Variants in HNRNPH1 observed in about 807,000 individuals in gnomAD.
HNRNPH1 encodes heterogeneous nuclear ribonucleoprotein H.
In HNRNPH1, 4 loss-of-function variants were observed where a neutral mutation model predicts 58.6. The observed-to-expected ratio is 0.07, with a 90% CI of 0.03 to 0.16. The LOEUF (loss-of-function observed/expected upper bound fraction) is 0.16. HNRNPH1 is among the 10% of genes least tolerant of loss of function. HNRNPH1 has a pLI of 1.00. For missense variants in HNRNPH1, 271 were observed against 564.2 expected, an observed-to-expected ratio of 0.48 and a Z score of 5.26; for synonymous variants, 192 against 189.2, an observed-to-expected ratio of 1.01 and a Z score of -0.12.
At chr5:179,621,849 G>A (rs1236469851) in intron 1 of HNRNPH1, 1 of 437,644 alleles carries the variant, frequency 2.3e-6, no homozygotes, top group Non-Finnish European at 4.5e-6. Context: ...TCACCTGAAA[G>A]GGGATCAGTG....
At chr5:179,633,348 T>G (rs892631415) in intron 2 of HNRNPH1, among the ~76,000 whole-genome samples, 2 of 151,168 alleles carry the variant, frequency 1.3e-5, no homozygotes, top group Non-Finnish European at 2.9e-5. Flanking sequence ...CAGGCTGGAG[T>G]GCAGTGGCAC....
chr5:179,618,425 A>C (rs1428253338), intron 4 of HNRNPH1, 102 bp from the exon 6 acceptor site: 3 of 755,528 alleles, frequency 4.0e-6, no homozygotes, highest in Non-Finnish European at 6.2e-6. Flanking sequence ...AGTCATAGCC[A>C]TGAAACTGAC....
intron 7 of HNRNPH1, 39 bp from the exon 9 acceptor site, chr5:179,617,688 C>G (rs1206089465): frequency 6.2e-7 from 1 of 1,606,590 alleles, no homozygotes; most frequent in Non-Finnish European, 8.5e-7. Context: ...AACCAACTTT[C>G]TAACGTTACA....
chr5:179,632,594 C>T (rs1774934719), intron 2 of HNRNPH1, among the ~76,000 whole-genome samples: 1 of 152,196 alleles, frequency 6.6e-6, no homozygotes, highest in Non-Finnish European at 1.5e-5. Flanking sequence ...GAAGGGTCTG[C>T]CCGACGGCCA....
intron 2 of HNRNPH1, among the ~76,000 whole-genome samples, chr5:179,632,560 C>G (rs901331506): frequency 4.6e-5 from 7 of 152,146 alleles, no homozygotes; most frequent in African/African-American, 1.7e-4. Context: ...GGCGTCCCCA[C>G]AGTGTCCAGC....
chr5:179,615,277 A>G lies in HNRNPH1; in HGVS notation c.*269T>C, dbSNP rs773856056. 2.9e-5 allele frequency: 13 copies of G among 446,420 alleles called. No individual in the cohort carries two copies. The East Asian group carries it at 3.4e-4, about 12-fold the overall frequency. The allele number at this position is 446,420 out of a possible 1,614,324, so 27.7% of individuals were successfully genotyped here. On this transcript the variant is annotated intron_variant, in intron 12 of 12. Coordinates refer to ENST00000356731, the Ensembl canonical transcript of HNRNPH1. ...TTACTTCGTATTTTTAAAGCTAAACAAGGCATTTTTAAAAAAAATTTAACA... is the reference window on the plus strand; with the variant it reads ...TTACTTCGTATTTTTAAAGCTAAACGAGGCATTTTTAAAAAAAATTTAACA...
chr5:179,621,773 T>C, intron 1 of HNRNPH1: 1 of 368,994 alleles, frequency 2.7e-6, no homozygotes, highest in South Asian at 2.1e-5. Flanking sequence ...GGGGCATTTA[T>C]CCGTTTTACC....
intron 2 of HNRNPH1, among the ~76,000 whole-genome samples, chr5:179,631,986 T>C (rs1774863019): frequency 6.6e-6 from 1 of 151,980 alleles, no homozygotes; most frequent in South Asian, 2.1e-4. Flanking sequence ...GCTCGGGTGG[T>C]ACACTGCAAG....
At chr5:179,627,713 A>C (rs1002365618), upstream of HNRNPH1, among the ~76,000 whole-genome samples, 2 of 151,950 alleles carry the variant, frequency 1.3e-5, no homozygotes, top group Non-Finnish European at 2.9e-5. Flanking sequence ...ACTTGATGTC[A>C]GGAGTTTCAG....
chr5:179,619,471 A>T lies in HNRNPH1; in HGVS notation c.398-64T>A. Reference sequence around the variant, plus strand: ...TATTAACATCACAAGCCCAGAAATGATTCTTCTTATAGCTTTAAATAAACC... The same window carrying T: ...TATTAACATCACAAGCCCAGAAATGTTTCTTCTTATAGCTTTAAATAAACC... On this transcript the variant is annotated intron_variant, in intron 3 of 12. Transcript: ENST00000356731. The T allele has an allele frequency of 2.7e-6, 4 of 1,475,106 alleles. No homozygotes were observed. The South Asian group carries it at 4.9e-5, about 18-fold the overall frequency. The allele number at this position is 1,475,106 out of a possible 1,614,324, so 91.4% of individuals were successfully genotyped here. A position where few individuals can be genotyped will look rare whatever the true frequency, so the allele number is the denominator to read the frequency against.
upstream of HNRNPH1, among the ~76,000 whole-genome samples, chr5:179,627,077 G>A (rs115238115): frequency 1.5e-3 from 232 of 152,214 alleles, no homozygotes; most frequent in African/African-American, 5.3e-3. Flanking sequence ...CACTGCGCCC[G>A]GCTAATGTCT....
exon 1 of HNRNPH1, chr5:179,623,426 T>G (rs1017911938): frequency 2.8e-5 from 7 of 252,172 alleles, no homozygotes; most frequent in Admixed American, 5.3e-5. Flanking sequence ...CCGCTCCGCC[T>G]CCTCCGACTT....
intron 3 of HNRNPH1, among the ~76,000 whole-genome samples, chr5:179,620,294 T>TA (rs1205726897): frequency 1.3e-5 from 2 of 152,236 alleles, no homozygotes; most frequent in Non-Finnish European, 2.9e-5. Context: ...CTCTTCAGCA[T>TA]AAAAACATTC....
At chr5:179,623,114 C>G in exon 1 of HNRNPH1, 1 of 1,607,790 alleles carries the variant, frequency 6.2e-7, no homozygotes, top group Non-Finnish European at 8.5e-7. Context: ...TCCCTCTCCA[C>G]CTTCCGTGCC....
Position 179,615,652 on chromosome 5 carries a change from C to T in HNRNPH1, c.1301-57G>A, listed in dbSNP as rs1769162620. On this transcript the variant is annotated intron_variant, in intron 11 of 12. Coordinates refer to ENST00000356731, the Ensembl canonical transcript of HNRNPH1. ...ATACCAAAATCACCATTCTTTAGAC[C>T]AATTGAAAAAAAATAAATAAAACCA... is the stretch of plus-strand genomic sequence containing the variant. 7 of 860,842 alleles carry T rather than the reference C, an allele frequency of 8.1e-6. No individual in the cohort carries two copies. In the South Asian group the frequency reaches 9.5e-5, roughly 12 times the overall value. 53.3% of individuals were successfully genotyped at this position (860,842 alleles called of 1,614,324 possible). A position where few individuals can be genotyped will look rare whatever the true frequency, so the allele number is the denominator to read the frequency against.
At chr5:179,625,803 C>G (rs116028267), upstream of HNRNPH1, among the ~76,000 whole-genome samples, 4,237 of 152,062 alleles carry the variant, frequency 0.028, 89 homozygotes, top group Non-Finnish European at 0.04. Context: ...GAGACACAGC[C>G]CGTCACCCAG....
chr5:179,625,024 G>A (rs1418924901), upstream of HNRNPH1, among the ~76,000 whole-genome samples: 1 of 152,222 alleles, frequency 6.6e-6, no homozygotes, highest in Non-Finnish European at 1.5e-5. Context: ...GGCTTTGGCA[G>A]GTGATCAGCA....
intron 3 of HNRNPH1, chr5:179,620,115 G>A (rs1771605430): frequency 6.6e-6 from 1 of 152,164 alleles, no homozygotes; most frequent in Non-Finnish European, 1.5e-5. Flanking sequence ...AAACAAAACA[G>A]ACTTGATTTT....
chr5:179,614,202 T>C (rs1267377595), exon 13 of HNRNPH1: 2 of 152,360 alleles, frequency 1.3e-5, no homozygotes, highest in African/African-American at 4.8e-5. Flanking sequence ...GGAGGATTTA[T>C]TTGACAAGTT....
Sources: allele counts gnomAD v4.1 joint callset (sites outside exome capture counted in the v4.1 genomes callset), GRCh38; gene constraint gnomAD v4.1.1; transcripts MANE v1.5; gene names NCBI Gene and HGNC (gene_info 2026-07-23, HGNC 2026-07-21).